LILRB2: variants seen among roughly 807,000 people sequenced by gnomAD.
The protein encoded by LILRB2 is leukocyte immunoglobulin-like receptor subfamily B member 2.
LILRB2 carries 47 observed loss-of-function variants against 72.7 expected under a neutral mutation model. That is an observed-to-expected ratio of 0.65 (90% CI 0.51 to 0.82). LILRB2 has a LOEUF of 0.82. Ranked by LOEUF, LILRB2 falls within the 40% of genes least tolerant of loss-of-function variation. The pLI is 0.00. For synonymous variants in LILRB2, 279 were observed against 313.7 expected (o/e 0.89, Z 1.17); for missense variants, 767 against 764.8 (o/e 1.00, Z -0.03).
chr19:54,277,856 G>A (rs745603645), intron 8 of LILRB2, 33 bp downstream of exon 8: 30 of 1,521,844 alleles, frequency 2.0e-5, no homozygotes, highest in African/African-American at 1.2e-4. Context: ...GGGTCGCTGC[G>A]CTCCCTTCGA....
intron 11 of LILRB2, 34 bp downstream of exon 11, chr19:54,276,347 C>A: frequency 1.9e-6 from 3 of 1,612,522 alleles, no homozygotes; most frequent in Non-Finnish European, 2.5e-6. Flanking sequence ...GGGCCACGAG[C>A]AGGTGGGAGT....
rs142624499 is a variant in LILRB2, at chr19:54,278,875, C to G, written c.892G>C (p.Gly298Arg). The change falls in exon 6 of 14, where the codon GGT becomes CGT. Residue 298 changes from glycine (G) to arginine (R), a missense_variant. Physicochemically the swap from Gly to Arg is moderately radical, Grantham distance 125. Around this residue, in one of 3 missense-constraint regions of LILRB2, gnomAD observed 599 missense variants for 568.2 expected, o/e 1.05. Transcript: ENST00000314446. ...RSYGGQYRCY[G>R]AHNLSSECSA... ...CACTCAGAGGAGAGGTTGTGTGCACCGTAGCATCTGTACTGGCCCCCGTAG... is the reference window on the plus strand; with the variant it reads ...CACTCAGAGGAGAGGTTGTGTGCACGGTAGCATCTGTACTGGCCCCCGTAG... 1.1e-5 allele frequency: 18 copies of G among 1,613,738 alleles called. No individual in the cohort carries two copies. The Admixed American group carries it at 1.5e-4, about 13-fold the overall frequency.
At chr19:54,279,765 G>T in intron 4 of LILRB2, 26 bp downstream of exon 4, 1 of 1,613,090 alleles carries the variant, frequency 6.2e-7, no homozygotes, top group Non-Finnish European at 8.5e-7. Flanking sequence ...AGAGCCTGGG[G>T]CTGGGATCCC....
intron 6 of LILRB2, 107 bp downstream of exon 6, chr19:54,278,705 C>T: frequency 1.3e-6 from 2 of 1,531,816 alleles, no homozygotes; most frequent in Non-Finnish European, 1.8e-6. Context: ...CTGTCTCTCC[C>T]TCCCTTGGGA....
intron 13 of LILRB2, chr19:54,275,196 G>A (rs1423258515): frequency 3.8e-6 from 5 of 1,302,142 alleles, no homozygotes; most frequent in African/African-American, 1.5e-5. Flanking sequence ...CCCTAAGGCC[G>A]TGGAGGGTCT....
In LILRB2 at chr19:54,278,242, C is replaced by T. The variant is rs748980434; in HGVS notation, c.1258+18G>A. The T allele has an allele frequency of 5.6e-6, 9 of 1,613,776 alleles. No individual in the cohort carries two copies. Among genetic ancestry groups the T allele is most frequent in the Non-Finnish European group, 7.6e-6 (9 of 1,179,800 alleles). On this transcript the variant is annotated intron_variant, in intron 7 of 13. Coordinates refer to ENST00000314446, the MANE Select transcript of LILRB2 (RefSeq NM_001080978.4). ...GCTGAGCCTTTGAGCTCAGAGAGGA[C>T]AGGGTCAAGGCCCCCACCTGAGACC...
chr19:54,275,680 ATTCCTCATC>A, intron 13 of LILRB2: 1 of 601,700 alleles, frequency 1.7e-6, no homozygotes, highest in South Asian at 1.5e-5. Flanking sequence ...TGGTTCATTT[ATTCCTCATC>A]CTCCAGAGGC....
rs781302508 is a variant in LILRB2, at chr19:54,275,630, C to T, written c.1647+321G>A. ...CCACAGTGAGCTCCCTGGGAACACT[C>T]ACTGGTTGAATGAATGAAGGGGAGC... On this transcript the variant is annotated intron_variant, in intron 13 of 13. Coordinates refer to ENST00000314446, the MANE Select transcript of LILRB2 (RefSeq NM_001080978.4). The T allele has an allele frequency of 2.6e-4, 144 of 547,258 alleles. 1 individual carries two copies. In the Middle Eastern group the frequency reaches 3.4e-3, roughly 13 times the overall value. 33.9% of individuals were successfully genotyped at this position (547,258 alleles called of 1,614,324 possible). A position where few individuals can be genotyped will look rare whatever the true frequency, so the allele number is the denominator to read the frequency against.
At position 54,277,782 on chromosome 19, in the gene LILRB2, C is replaced by G. The variant is rs934617505; in HGVS notation, c.1309+107G>C. ...CTCTGGCTCTGCCCAGCTCCCTGGA[C>G]AGAAGCCCTTGATTGAGTCCCTGAA... On this transcript the variant is annotated intron_variant, in intron 8 of 13. Transcript: ENST00000314446. The G allele has an allele frequency of 3.0e-6, 4 of 1,333,520 alleles. No homozygotes were observed. The African/African-American group carries it at 5.9e-5, about 20-fold the overall frequency. The allele number at this position is 1,333,520 out of a possible 1,614,324, so 82.6% of individuals were successfully genotyped here. A position where few individuals can be genotyped will look rare whatever the true frequency, so the allele number is the denominator to read the frequency against.
intron 13 of LILRB2, chr19:54,275,203 G>T (rs1479984280): frequency 1.6e-6 from 2 of 1,214,026 alleles, no homozygotes; most frequent in African/African-American, 3.1e-5. Flanking sequence ...GCCGTGGAGG[G>T]TCTGGCCGCT....
intron 8 of LILRB2, 116 bp downstream of exon 8, chr19:54,277,773 C>A (rs1672787426): frequency 2.3e-6 from 3 of 1,321,042 alleles, no homozygotes; most frequent in African/African-American, 1.5e-5. Context: ...CTCTGCCCAG[C>A]TCCCTGGACA....
In LILRB2 at chr19:54,274,534, T is replaced by G; in HGVS notation, c.*149A>C. 2 of 1,410,584 alleles carry G rather than the reference T, an allele frequency of 1.4e-6. No homozygotes were observed. The highest frequency in any genetic ancestry group is 1.9e-6 in the Non-Finnish European group (2 of 1,052,264). The allele number at this position is 1,410,584 out of a possible 1,614,324, so 87.4% of individuals were successfully genotyped here. On this transcript the variant is annotated 3_prime_UTR_variant, in exon 14 of 14. Transcript: ENST00000314446. ...TAGTTATTTCGACTGCAGAATCAAG[T>G]GAGTCCCAAAGTTCCCAGCATCTCC...
In LILRB2 at chr19:54,276,366, T is replaced by C. The variant is rs2080226846; in HGVS notation, c.1556+15A>G. The C allele has an allele frequency of 6.2e-7, 1 of 1,608,436 alleles. No homozygotes were observed. Among genetic ancestry groups the C allele is most frequent in the Non-Finnish European group, 8.5e-7 (1 of 1,175,500 alleles). Reference sequence around the variant, plus strand: ...CACGAGCAGGTGGGAGTCTGGGGTCTTCGGGCAGAATTACCTCCACTGCAG... The same window carrying C: ...CACGAGCAGGTGGGAGTCTGGGGTCCTCGGGCAGAATTACCTCCACTGCAG... On this transcript the variant is annotated intron_variant, in intron 11 of 13. Transcript: ENST00000314446.
chr19:54,274,937 C>T, intron 13 of LILRB2, 108 bp from the exon 14 acceptor site: 6 of 1,610,690 alleles, frequency 3.7e-6, no homozygotes, highest in Non-Finnish European at 5.1e-6. Context: ...TCCTCTTCTG[C>T]CTGTCTGTCC....
At chr19:54,279,310 T>C (rs1261987641) in intron 5 of LILRB2, 35 bp downstream of exon 5, 1 of 1,590,460 alleles carries the variant, frequency 6.3e-7, no homozygotes, top group South Asian at 1.1e-5. Context: ...TCAGGGAGAC[T>C]CAGGGAACTC....
At chr19:54,280,658 A>G in intron 1 of LILRB2, 114 bp from the exon 2 acceptor site, 2 of 1,426,026 alleles carry the variant, frequency 1.4e-6, no homozygotes, top group Non-Finnish European at 1.9e-6. Context: ...CCACACAAGA[A>G]GCGGAACTGC....
At position 54,276,938 on chromosome 19, in the gene LILRB2, C is replaced by G; in HGVS notation, c.1358-9G>C. On this transcript the variant is annotated splice_polypyrimidine_tract_variant and intron_variant, in intron 9 of 13. Transcript: ENST00000314446. ...CAGGTGCCTTCCCAGACCTTGAGCA[C>G]GATGATGTCAGGGATGGGGGTGATG... 6.2e-7 allele frequency: 1 copy of G among 1,612,570 alleles called. No individual in the cohort carries two copies. The highest frequency in any genetic ancestry group is 1.7e-4 in the Middle Eastern group (1 of 6,048).
chr19:54,277,856 G>T (rs745603645), intron 8 of LILRB2, 33 bp downstream of exon 8: 4 of 1,521,960 alleles, frequency 2.6e-6, no homozygotes, highest in South Asian at 2.4e-5. Context: ...GGGTCGCTGC[G>T]CTCCCTTCGA....
At chr19:54,275,031 T>C (rs202023376) in intron 13 of LILRB2, 32,703 of 1,595,546 alleles carry the variant, frequency 0.02, 523 homozygotes, top group Middle Eastern at 0.024. Context: ...CCGGGGCATA[T>C]GTCACTGCCT....
Sources: gnomAD v4.1 joint callset for allele counts on GRCh38, gnomAD v4.1.1 for gene constraint, gnomAD v4.1.1 regional missense constraint, MANE v1.5 for transcripts, NCBI Gene and HGNC (gene_info 2026-07-23, HGNC 2026-07-21) for gene names.